Variants in HYCC2 observed in about 807,000 individuals in gnomAD.
HYCC2 encodes hyccin PI4KA lipid kinase complex subunit 2.
the HYCC2 span, among the ~76,000 whole-genome samples, chr2:200,998,461 C>T: frequency 6.6e-6 from 1 of 152,210 alleles, no homozygotes; most frequent in Non-Finnish European, 1.5e-5. Flanking sequence ...TCTAACATAG[C>T]ATTTATCCCA....
At chr2:200,998,721 T>C in the HYCC2 span, among the ~76,000 whole-genome samples, 2 of 152,348 alleles carry the variant, frequency 1.3e-5, no homozygotes, top group Non-Finnish European at 2.9e-5. Context: ...CATACACTTC[T>C]ATGTCTTAAC....
the HYCC2 span, among the ~76,000 whole-genome samples, chr2:201,042,284 G>A: frequency 1.8e-4 from 27 of 152,222 alleles, no homozygotes; most frequent in Non-Finnish European, 2.9e-4. Context: ...CTGGAGTGCA[G>A]TGGCGTGATC....
chr2:201,065,389 G>C, the HYCC2 span, among the ~76,000 whole-genome samples: 1 of 152,156 alleles, frequency 6.6e-6, no homozygotes, highest in African/African-American at 2.4e-5. Flanking sequence ...TAGGAATAAA[G>C]ATGCTATGAG....
At chr2:201,065,043 G>A in the HYCC2 span, among the ~76,000 whole-genome samples, 1 of 152,088 alleles carries the variant, frequency 6.6e-6, no homozygotes, top group East Asian at 1.9e-4. Context: ...TTATCACATA[G>A]GTAGACTCAT....
the HYCC2 span, among the ~76,000 whole-genome samples, chr2:201,049,637 G>C: frequency 6.6e-6 from 1 of 151,976 alleles, no homozygotes; most frequent in East Asian, 1.9e-4. Flanking sequence ...ACAGGCGTAA[G>C]CCACCGCACC....
the HYCC2 span, among the ~76,000 whole-genome samples, chr2:201,038,924 T>C: frequency 2.0e-5 from 3 of 151,582 alleles, no homozygotes; most frequent in African/African-American, 7.3e-5. Context: ...TGCAAATTGT[T>C]GATTAAAAAA....
At chr2:201,003,041 G>A in the HYCC2 span, among the ~76,000 whole-genome samples, 2 of 152,070 alleles carry the variant, frequency 1.3e-5, no homozygotes, top group African/African-American at 4.8e-5. Flanking sequence ...AAAAGAATAA[G>A]ATATCTATGT....
At chr2:201,046,136 C>T in the HYCC2 span, among the ~76,000 whole-genome samples, 1 of 152,034 alleles carries the variant, frequency 6.6e-6, no homozygotes, top group East Asian at 1.9e-4. Context: ...ACAAAAAATG[C>T]TCTTACTGAA....
chr2:201,024,630 C>A, the HYCC2 span, among the ~76,000 whole-genome samples: 5 of 152,242 alleles, frequency 3.3e-5, 1 homozygote, highest in South Asian at 8.3e-4. Flanking sequence ...ATTATCCAGA[C>A]AAATGCAGTC....
At chr2:201,061,912 C>G in the HYCC2 span, among the ~76,000 whole-genome samples, 1 of 151,598 alleles carries the variant, frequency 6.6e-6, no homozygotes. Flanking sequence ...TTGAGACCAG[C>G]CTGAGCAACA....
the HYCC2 span, among the ~76,000 whole-genome samples, chr2:200,990,061 C>T: frequency 6.6e-6 from 1 of 151,982 alleles, no homozygotes; most frequent in African/African-American, 2.4e-5. Context: ...CAAGCTAGCA[C>T]TTCCCTTTAA....
the HYCC2 span, chr2:200,981,295 T>C: frequency 1.9e-6 from 3 of 1,613,786 alleles, no homozygotes; most frequent in Non-Finnish European, 2.5e-6. This position sits in a 1 kb window ranked among gnomAD's most constrained non-coding sequence, Gnocchi z 4.5. Flanking sequence ...TAGCTGCATA[T>C]TGAAACTTGG....
the HYCC2 span, among the ~76,000 whole-genome samples, chr2:200,990,523 T>A: frequency 6.6e-6 from 1 of 151,890 alleles, no homozygotes; most frequent in African/African-American, 2.4e-5. Flanking sequence ...TGCCTCAGCC[T>A]CCCAAGCAGC....
At chr2:201,005,266 T>G in the HYCC2 span, among the ~76,000 whole-genome samples, 1 of 152,032 alleles carries the variant, frequency 6.6e-6, no homozygotes, top group Non-Finnish European at 1.5e-5. Flanking sequence ...ACTGGAGAGA[T>G]TCCTCTGTTT....
At chr2:201,024,000 T>C in the HYCC2 span, 1 of 1,613,362 alleles carries the variant, frequency 6.2e-7, no homozygotes, top group African/African-American at 1.3e-5. Flanking sequence ...CAACGGTCAG[T>C]TCCCAGCATT....
chr2:201,063,213 A>G, the HYCC2 span: 4 of 1,605,000 alleles, frequency 2.5e-6, no homozygotes, highest in South Asian at 4.4e-5. Context: ...ACGCTCACAG[A>G]CTGTGTGGTA....
the HYCC2 span, among the ~76,000 whole-genome samples, chr2:201,048,401 G>C: frequency 1.3e-5 from 2 of 151,638 alleles, no homozygotes; most frequent in African/African-American, 4.8e-5. Context: ...TATAGACCAA[G>C]CTTGTCCAAC....
the HYCC2 span, chr2:200,987,422 G>A: frequency 1.6e-5 from 21 of 1,289,766 alleles, no homozygotes; most frequent in South Asian, 7.4e-5. Context: ...GGGGTCCTGC[G>A]CACCAGCACC....
At chr2:201,040,467 TTTTTTGTGAATCTCATAA>T in the HYCC2 span, among the ~76,000 whole-genome samples, 1 of 151,966 alleles carries the variant, frequency 6.6e-6, no homozygotes, top group Non-Finnish European at 1.5e-5. Flanking sequence ...TTGTTTTTTT[TTTTTTGTGAATCTCATAA>T]TTTTTTTTTG....
Sources: gnomAD v4.1 joint callset for allele counts (sites outside exome capture counted in the v4.1 genomes callset) on GRCh38, gnomAD v4.1.1 for gene constraint, Gnocchi (gnomAD v3.1) non-coding constraint, MANE v1.5 for transcripts, NCBI Gene and HGNC (gene_info 2026-07-23, HGNC 2026-07-21) for gene names.